GSAP: variants seen among roughly 807,000 people sequenced by gnomAD.
The protein encoded by GSAP is gamma-secretase activating protein.
GSAP carries 118 observed loss-of-function variants against 131.7 expected under a neutral mutation model. That is an observed-to-expected ratio of 0.90 (90% CI 0.77 to 1.04). The LOEUF (loss-of-function observed/expected upper bound fraction) is 1.04. Among genes scored for constraint, GSAP ranks in the 50% least tolerant of loss-of-function variants. GSAP has a pLI of 0.00. For missense variants in GSAP, 1,019 were observed against 1,013.2 expected, an observed-to-expected ratio of 1.01 and a Z score of -0.08; for synonymous variants, 381 against 363.4, an observed-to-expected ratio of 1.05 and a Z score of -0.55.
chr7:77,400,019 C>G (rs906316537), intron 3 of GSAP, among the ~76,000 whole-genome samples: 1 of 152,102 alleles, frequency 6.6e-6, no homozygotes, highest in African/African-American at 2.4e-5. Flanking sequence ...GGAAACATAG[C>G]AAGAGAGAAA....
rs754170143 is a variant in GSAP at position 77,387,396 on chromosome 7, C to T, written c.420G>A (p.Lys140=). The change falls in exon 6 of 31, where the codon AAG becomes AAA. Residue 140 remains lysine, a synonymous_variant. Transcript: ENST00000257626. ...LVEIHPVNNV[K]VLKAVDSYIW... ...TATAGCTATCCACAGCCTTTAGAAC[C>T]TTCACATTGTTAACAGGGTGGATTT... 6.2e-7 allele frequency: 1 copy of T among 1,603,364 alleles called. No homozygotes were observed. Among genetic ancestry groups the T allele is most frequent in the Admixed American group, 1.7e-5 (1 of 59,944 alleles).
Position 77,330,470 on chromosome 7 carries a change from A to C in GSAP, c.1546-103T>G, listed in dbSNP as rs558417158. On this transcript the variant is annotated intron_variant, in intron 19 of 30. Coordinates refer to ENST00000257626, the MANE Select transcript of GSAP (RefSeq NM_017439.4). ...CTTATTTCCCGAGCTCTCAGGGTCC[A>C]CATTTCTGAGTGAATACTTTGTACA... 6.8e-6 allele frequency: 10 copies of C among 1,466,020 alleles called. No individual in the cohort carries two copies. In the South Asian group the frequency reaches 8.7e-5, roughly 13 times the overall value. The allele number at this position is 1,466,020 out of a possible 1,614,324, so 90.8% of individuals were successfully genotyped here.
intron 11 of GSAP, among the ~76,000 whole-genome samples, chr7:77,374,709 T>C (rs1796599522): frequency 6.6e-6 from 1 of 152,168 alleles, no homozygotes; most frequent in Non-Finnish European, 1.5e-5. Flanking sequence ...ACATCCTCTT[T>C]GATGTCAACA....
chr7:77,353,022 A>G lies in GSAP; in HGVS notation c.1413T>C (p.Ser471=), dbSNP rs778663058. 1.3e-6 allele frequency: 2 copies of G among 1,588,636 alleles called. No individual in the cohort carries two copies. Among genetic ancestry groups the G allele is most frequent in the South Asian group, 2.2e-5 (2 of 90,306 alleles). The change falls in exon 18 of 31, where the codon TCT becomes TCC. Residue 471 remains serine (S), a synonymous_variant. Coordinates refer to ENST00000257626, the MANE Select transcript of GSAP (RefSeq NM_017439.4). ...FDLIQEFIIA[S]SYWSVYSETS... ...TCTCTGAATATACACTCCAGTATGA[A>G]GAAGCTGAGTAGATTTTTTTTGAAA...
chr7:77,353,316 A>G (rs768695324), intron 17 of GSAP, among the ~76,000 whole-genome samples: 55 of 152,188 alleles, frequency 3.6e-4, no homozygotes, highest in Admixed American at 1.0e-3. Context: ...TACTGGAAAA[A>G]AAAATCACTA....
chr7:77,313,239 CA>C (rs1255293598), intron 28 of GSAP, among the ~76,000 whole-genome samples: 1 of 152,060 alleles, frequency 6.6e-6, no homozygotes, highest in African/African-American at 2.4e-5. Context: ...TCCTAAGAGG[CA>C]AAAATGGCTT....
At chr7:77,360,572 G>A (rs193062384) in intron 14 of GSAP, among the ~76,000 whole-genome samples, 47 of 152,282 alleles carry the variant, frequency 3.1e-4, no homozygotes, top group Non-Finnish European at 4.7e-4. Flanking sequence ...ACATAAGAAA[G>A]CTCACAGCCT....
chr7:77,317,141 G>C (rs193193991), intron 26 of GSAP, among the ~76,000 whole-genome samples: 1 of 152,018 alleles, frequency 6.6e-6, no homozygotes, highest in Non-Finnish European at 1.5e-5. Context: ...CATGTCACAT[G>C]ATGGAAATAA....
chr7:77,397,148 A>G (rs1471998531), intron 4 of GSAP, 113 bp from the exon 5 acceptor site: 2 of 732,372 alleles, frequency 2.7e-6, no homozygotes, highest in African/African-American at 3.6e-5. Flanking sequence ...TCAACGGAAG[A>G]TAAGGGCAGA....
intron 19 of GSAP, among the ~76,000 whole-genome samples, chr7:77,342,539 TC>T (rs1378866353): frequency 1.3e-5 from 2 of 152,120 alleles, no homozygotes; most frequent in Non-Finnish European, 2.9e-5. Context: ...TTTCCCTAGT[TC>T]AAAGCCTCCT....
chr7:77,387,909 A>G (rs1440075352), intron 5 of GSAP, among the ~76,000 whole-genome samples: 1 of 152,246 alleles, frequency 6.6e-6, no homozygotes, highest in Non-Finnish European at 1.5e-5. Context: ...AGATCACTGT[A>G]TATTACTTTG....
intron 19 of GSAP, among the ~76,000 whole-genome samples, chr7:77,340,663 C>T (rs963922323): frequency 6.6e-6 from 1 of 152,208 alleles, no homozygotes; most frequent in African/African-American, 2.4e-5. Flanking sequence ...GTCACAGACT[C>T]GGGAAGATAG....
At chr7:77,315,251 A>G (rs959378594) in intron 26 of GSAP, 1 of 152,168 alleles carries the variant, frequency 6.6e-6, no homozygotes, top group Non-Finnish European at 1.5e-5. Flanking sequence ...ACAGTAGAAA[A>G]AGCCAGGTTT....
chr7:77,313,840 G>A (rs1216533728), intron 27 of GSAP, among the ~76,000 whole-genome samples: 2 of 152,154 alleles, frequency 1.3e-5, no homozygotes, highest in Non-Finnish European at 2.9e-5. Flanking sequence ...AAATACAATT[G>A]AATAATTTGA....
rs193113498 is a variant in GSAP, at chr7:77,361,794, G to A, written c.949+789C>T. On this transcript the variant is annotated intron_variant, in intron 13 of 30. Coordinates refer to ENST00000257626, the MANE Select transcript of GSAP (RefSeq NM_017439.4). ...CACACTGTGATTGACTACAGAACCA[G>A]GAGAAATTAGTTAGGCATTTGACTG... 7.5e-4 allele frequency among the ~76,000 whole-genome samples: 114 copies of A among 152,270 alleles called. 1 individual carries two copies. In the East Asian group the frequency reaches 0.013, roughly 18 times the overall value.
chr7:77,353,832 G>A (rs2150860804), intron 16 of GSAP, 191 bp from the exon 17 acceptor site: 2 of 473,236 alleles, frequency 4.2e-6, no homozygotes, highest in East Asian at 6.8e-5. Flanking sequence ...TATTTTATAA[G>A]TGAGATCCTT....
In GSAP at chr7:77,375,115, CA is replaced by C; in HGVS notation, c.742-15del. 6.5e-7 allele frequency: 1 copy of C among 1,534,960 alleles called. No individual in the cohort carries two copies. Among genetic ancestry groups the C allele is most frequent in the Non-Finnish European group, 9.0e-7 (1 of 1,117,170 alleles). ...GGGTACTTCAAACTGTCAAAAAAAT[CA>C]AAGAAAATGAACCCAAAATGACAGA... is the stretch of plus-strand genomic sequence containing the variant. On this transcript the variant is annotated splice_polypyrimidine_tract_variant and intron_variant, in intron 10 of 30. Coordinates refer to ENST00000257626, the MANE Select transcript of GSAP (RefSeq NM_017439.4).
intron 12 of GSAP, among the ~76,000 whole-genome samples, chr7:77,370,699 CCT>C (rs1052282699): frequency 2.0e-5 from 3 of 152,160 alleles, no homozygotes; most frequent in African/African-American, 7.2e-5. Flanking sequence ...CCAGCTGCTG[CCT>C]CTGTCATGTC....
At chr7:77,330,542 G>A in intron 19 of GSAP, 175 bp from the exon 20 acceptor site, 1 of 1,090,484 alleles carries the variant, frequency 9.2e-7, no homozygotes. Context: ...TAGACTTAAA[G>A]AATCTTCTTT....
Sources: gnomAD v4.1 joint callset for allele counts (sites outside exome capture counted in the v4.1 genomes callset) on GRCh38, gnomAD v4.1.1 for gene constraint, MANE v1.5 for transcripts, NCBI Gene and HGNC (gene_info 2026-07-23, HGNC 2026-07-21) for gene names.